Variants in SPRY2 observed in about 807,000 individuals in gnomAD.
The protein encoded by SPRY2 is protein sprouty homolog 2.
SPRY2 carries 10 observed loss-of-function variants against 23.4 expected under a neutral mutation model. The ratio of observed to expected loss-of-function variants is 0.43; its 90% CI spans 0.26 to 0.73. The LOEUF (loss-of-function observed/expected upper bound fraction) is 0.73. Among genes scored for constraint, SPRY2 ranks in the 30% least tolerant of loss-of-function variants. The pLI is 0.22. For missense variants in SPRY2, 344 were observed against 396.9 expected (o/e 0.87, Z 1.13); for synonymous variants, 170 against 156.9 (o/e 1.08, Z -0.62).
At chr13:80,339,920 G>A (rs1021006901) in intron 1 of SPRY2, among the ~76,000 whole-genome samples, 2 of 152,186 alleles carry the variant, frequency 1.3e-5, no homozygotes, top group African/African-American at 4.8e-5. Context: ...GGGTCAGCCC[G>A]AGCTTCCAAA....
chr13:80,336,586 A>G lies in SPRY2; in HGVS notation c.*172T>C. On this transcript the variant is annotated 3_prime_UTR_variant, in exon 2 of 2. Coordinates refer to ENST00000377104, the MANE Select transcript of SPRY2 (RefSeq NM_005842.4). ...GAGCTCCATTAGCTGAGTTCTAACA[A>G]GCATATCAGTTAAAACGGCACATGG... 1.4e-6 allele frequency: 1 copy of G among 735,244 alleles called. No individual in the cohort carries two copies. The highest frequency in any genetic ancestry group is 2.3e-6 in the Non-Finnish European group (1 of 436,270). 45.5% of individuals were successfully genotyped at this position (735,244 alleles called of 1,614,324 possible).
At chr13:80,337,858 G>C (rs1256232301) in intron 1 of SPRY2, 102 bp from the exon 2 acceptor site, 1 of 748,718 alleles carries the variant, frequency 1.3e-6, no homozygotes, top group Admixed American at 2.0e-5. Context: ...TAGAGAAACA[G>C]GATTTGAAAT....
rs1329211004 is a variant in SPRY2 at position 80,336,080 on chromosome 13, G to A, written c.*678C>T. 1 of 152,184 alleles carries A rather than the reference G, an allele frequency of 6.6e-6. No homozygotes were observed. Among genetic ancestry groups the A allele is most frequent in the African/African-American group, 2.4e-5 (1 of 41,414 alleles). 9.4% of individuals were successfully genotyped at this position (152,184 alleles called of 1,614,324 possible). The stretch of plus-strand genomic sequence containing the variant: ...CATCCTCATAAAAGGGGCAAAATTT[G>A]TAAGATGCCTCTTAAAATAAATATT... On this transcript the variant is annotated 3_prime_UTR_variant, in exon 2 of 2. Coordinates refer to ENST00000377104, the MANE Select transcript of SPRY2 (RefSeq NM_005842.4).
chr13:80,338,367 G>A (rs778885752), intron 1 of SPRY2, among the ~76,000 whole-genome samples: 7 of 152,126 alleles, frequency 4.6e-5, no homozygotes, highest in Non-Finnish European at 7.4e-5. Flanking sequence ...GTAGCACAAA[G>A]TTATAGAACT....
In SPRY2 at chr13:80,336,602, C is replaced by A; in HGVS notation, c.*156G>T. 1 of 811,306 alleles carries A rather than the reference C, an allele frequency of 1.2e-6. No individual in the cohort carries two copies. Among genetic ancestry groups the A allele is most frequent in the Non-Finnish European group, 2.0e-6 (1 of 499,200 alleles). The allele number at this position is 811,306 out of a possible 1,614,324, so 50.3% of individuals were successfully genotyped here. ...GTTCTAACAAGCATATCAGTTAAAA[C>A]GGCACATGGACAAAAAGCATTTCAC... On this transcript the variant is annotated 3_prime_UTR_variant, in exon 2 of 2. Transcript: ENST00000377104.
intron 1 of SPRY2, chr13:80,339,052 G>T (rs949616669): frequency 1.3e-5 from 2 of 152,458 alleles, no homozygotes; most frequent in African/African-American, 2.4e-5. Context: ...CGAAGGGTAC[G>T]TGTCACGAAA....
chr13:80,338,551 T>C (rs993195900), intron 1 of SPRY2, among the ~76,000 whole-genome samples: 2 of 152,346 alleles, frequency 1.3e-5, no homozygotes, highest in African/African-American at 2.4e-5. Context: ...TCCCTGCTAA[T>C]TGAGAACACA....
rs894564957 is a variant in SPRY2, at chr13:80,337,651, G to C, written c.55C>G (p.Arg19Gly). Residue 19 changes from arginine to glycine, a missense_variant, in exon 2 of 2, where the codon CGT (arginine) becomes GGT (glycine). Physicochemically the swap from Arg to Gly is moderately radical, Grantham distance 125 (BLOSUM62 -2). Transcript: ENST00000377104. ...TCCCCACGCTGTCTGCCACCGTCACGGGGCGTCTGCAGCAAGGGCTGCGAC... is the reference window on the plus strand; with the variant it reads ...TCCCCACGCTGTCTGCCACCGTCACCGGGCGTCTGCAGCAAGGGCTGCGAC... ...NGSQPLLQTP[R>G]DGGRQRGEPD... 6.2e-7 allele frequency: 1 copy of C among 1,613,576 alleles called. No homozygotes were observed. The highest frequency in any genetic ancestry group is 8.5e-7 in the Non-Finnish European group (1 of 1,180,050).
At chr13:80,339,198 A>C (rs1488266949) in intron 1 of SPRY2, 1 of 152,192 alleles carries the variant, frequency 6.6e-6, no homozygotes, top group East Asian at 1.9e-4. Context: ...CTTTCTGCAA[A>C]GCCCCTCGGA....
intron 1 of SPRY2, among the ~76,000 whole-genome samples, 162 bp downstream of exon 1, chr13:80,340,460 T>C (rs1233277359): frequency 2.0e-5 from 3 of 152,122 alleles, no homozygotes; most frequent in African/African-American, 4.8e-5. Context: ...GCGAGGCAGG[T>C]CCGCGGGGAG....
At position 80,336,926 on chromosome 13, in the gene SPRY2, G is replaced by C; in HGVS notation, c.780C>G (p.Ser260=). 1 of 1,614,108 alleles carries C rather than the reference G, an allele frequency of 6.2e-7. No homozygotes were observed. Among genetic ancestry groups the C allele is most frequent in the Admixed American group, 1.7e-5 (1 of 60,018 alleles). The part of the protein sequence containing the change: ...CTRWSAMGVM[S]LFLPCLWCYL... ...AACACCATAAACAAGGCAAAAAGAG[G>C]GACATGACACCCATGGCTGACCATC... The change falls in exon 2 of 2, where the codon TCC becomes TCG. Residue 260 remains serine (S), a synonymous_variant. Transcript: ENST00000377104.
Position 80,336,864 on chromosome 13 carries a change from C to T in SPRY2, c.842G>A (p.Gly281Glu), listed in dbSNP as rs79066821. 1.2e-4 allele frequency: 196 copies of T among 1,613,924 alleles called. No individual in the cohort carries two copies. The highest frequency in any genetic ancestry group is 1.5e-4 in the Non-Finnish European group (175 of 1,180,036). Residue 281 changes from glycine (G) to glutamate (E), a missense_variant, in exon 2 of 2, where the codon GGG (glycine) becomes GAG (glutamate). By Grantham distance (98) the Gly-to-Glu change is moderately conservative. Transcript: ENST00000377104. ...PAKGCLKLCQ[G>E]CYDRVNRPGC... Reference sequence around the variant, plus strand: ...AGGCCTGTTAACCCGGTCATAACACCCCTGGCACAATTTAAGGCAACCCTT... The same window carrying T: ...AGGCCTGTTAACCCGGTCATAACACTCCTGGCACAATTTAAGGCAACCCTT...
In SPRY2 at chr13:80,336,487, A is replaced by C. The variant is rs2137723071; in HGVS notation, c.*271T>G. 2.0e-6 allele frequency: 1 copy of C among 508,832 alleles called. No homozygotes were observed. The highest frequency in any genetic ancestry group is 5.3e-4 in the Middle Eastern group (1 of 1,900). The allele number at this position is 508,832 out of a possible 1,614,324, so 31.5% of individuals were successfully genotyped here. On this transcript the variant is annotated 3_prime_UTR_variant, in exon 2 of 2. Transcript: ENST00000377104. Reference sequence around the variant, plus strand: ...TTGCAAGTACTATTCACAAACAAAAACTTTGCCTAGGAGTGTCTGTGTTGC... The same window carrying C: ...TTGCAAGTACTATTCACAAACAAAACCTTTGCCTAGGAGTGTCTGTGTTGC...
Position 80,336,447 on chromosome 13 carries a change from G to C in SPRY2, c.*311C>G, listed in dbSNP as rs1880254187. 1 of 409,148 alleles carries C rather than the reference G, an allele frequency of 2.4e-6. No individual in the cohort carries two copies. Among genetic ancestry groups the C allele is most frequent in the Non-Finnish European group, 4.5e-6 (1 of 223,140 alleles). The allele number at this position is 409,148 out of a possible 1,614,324, so 25.3% of individuals were successfully genotyped here. ...AGAAAACAATGGAAAAAAGTCATCTGCTAATTTACAAGTTTTGCAAGTACT... is the reference window on the plus strand; with the variant it reads ...AGAAAACAATGGAAAAAAGTCATCTCCTAATTTACAAGTTTTGCAAGTACT... On this transcript the variant is annotated 3_prime_UTR_variant, in exon 2 of 2. Coordinates refer to ENST00000377104, the MANE Select transcript of SPRY2 (RefSeq NM_005842.4).
At position 80,336,789 on chromosome 13, in the gene SPRY2, A is replaced by C; in HGVS notation, c.917T>G (p.Val306Gly). The C allele has an allele frequency of 6.2e-7, 1 of 1,613,978 alleles. No homozygotes were observed. Among genetic ancestry groups the C allele is most frequent in the Non-Finnish European group, 8.5e-7 (1 of 1,180,002 alleles). ...SNTVCCKVPT[V>G]PPRNFEKPT ...TGGTTTTTCAAAGTTCCTAGGGGGG[A>C]CAGTGGGAACTTTGCAGCAAACTGT... The change falls in exon 2 of 2, where the codon GTC (valine) becomes GGC (glycine). Residue 306 changes from valine (V) to glycine (G), a missense_variant. Physicochemically the swap from Val to Gly is moderately radical, Grantham distance 109. Coordinates refer to ENST00000377104, the MANE Select transcript of SPRY2 (RefSeq NM_005842.4).
intron 1 of SPRY2, among the ~76,000 whole-genome samples, chr13:80,339,915 AGCC>A (rs1209720096): frequency 6.6e-6 from 1 of 152,260 alleles, no homozygotes; most frequent in Non-Finnish European, 1.5e-5. Context: ...GCGCTGGGTC[AGCC>A]CGAGCTTCCA....
At position 80,340,930 on chromosome 13, in the gene SPRY2, T is replaced by C. The variant is rs1226469529; in HGVS notation, c.-360A>G. Reference sequence around the variant, plus strand: ...TCCCTTTTCCTGGCAGATGAGCGAATGGGAAAAGAAAACGGCCTTACGGAG... The same window carrying C: ...TCCCTTTTCCTGGCAGATGAGCGAACGGGAAAAGAAAACGGCCTTACGGAG... On this transcript the variant is annotated 5_prime_UTR_variant, in exon 1 of 2. Transcript: ENST00000377104. 6.6e-6 allele frequency: 1 copy of C among 151,994 alleles called. No homozygotes were observed. Among genetic ancestry groups the C allele is most frequent in the Admixed American group, 6.6e-5 (1 of 15,228 alleles). The allele number at this position is 151,994 out of a possible 1,614,324, so 9.4% of individuals were successfully genotyped here.
chr13:80,337,782 G>A (rs1474148939), intron 1 of SPRY2, 26 bp from the exon 2 acceptor site: 2 of 1,339,952 alleles, frequency 1.5e-6, no homozygotes, highest in Admixed American at 1.8e-5. Flanking sequence ...GGAAAGAACG[G>A]TTGATACTCT....
intron 1 of SPRY2, among the ~76,000 whole-genome samples, chr13:80,340,305 C>T (rs1242280341): frequency 1.3e-5 from 2 of 152,268 alleles, no homozygotes; most frequent in East Asian, 1.9e-4. Flanking sequence ...GAATTCGCGG[C>T]CAGTGCACGG....
Sources: allele counts gnomAD v4.1 joint callset (sites outside exome capture counted in the v4.1 genomes callset), GRCh38; gene constraint gnomAD v4.1.1; transcripts MANE v1.5; gene names NCBI Gene and HGNC (gene_info 2026-07-23, HGNC 2026-07-21).